BRPF3: variants seen among roughly 807,000 people sequenced by gnomAD.
BRPF3 encodes bromodomain and PHD finger-containing protein 3.
Under a neutral mutation model 102.0 loss-of-function variants are expected in BRPF3, and 18 were observed. That is an observed-to-expected ratio of 0.18 (90% CI 0.12 to 0.26). The LOEUF is 0.26. Ranked by LOEUF, BRPF3 falls within the 10% of genes least tolerant of loss-of-function variation. The pLI, the probability that BRPF3 is intolerant of heterozygous loss-of-function variation, is 1.00. For missense variants in BRPF3, 1,147 were observed against 1,567.8 expected (o/e 0.73, Z 4.53); for synonymous variants, 570 against 614.2 (o/e 0.93, Z 1.06).
At chr6:36,202,938 GAAGACA>G (rs1003005500) in intron 2 of BRPF3, among the ~76,000 whole-genome samples, 5 of 152,200 alleles carry the variant, frequency 3.3e-5, no homozygotes, top group African/African-American at 1.2e-4. Flanking sequence ...AGGCTGGGAA[GAAGACA>G]TAAGTGTGAG....
chr6:36,226,843 G>A (rs973442732), intron 11 of BRPF3, among the ~76,000 whole-genome samples: 1 of 152,256 alleles, frequency 6.6e-6, no homozygotes, highest in Non-Finnish European at 1.5e-5. Flanking sequence ...TGACCTAGCA[G>A]CTGAAGAGTT....
At chr6:36,198,238 A>G (rs1181411795) in intron 1 of BRPF3, among the ~76,000 whole-genome samples, 1 of 152,150 alleles carries the variant, frequency 6.6e-6, no homozygotes, top group Admixed American at 6.5e-5. Context: ...TTTCAGTCAC[A>G]CTTTGGGATT....
chr6:36,209,798 G>T lies in BRPF3; in HGVS notation c.1749G>T (p.Gln583His), dbSNP rs1469534567. The T allele has an allele frequency of 1.2e-6, 2 of 1,613,984 alleles. No homozygotes were observed. Among genetic ancestry groups the T allele is most frequent in the Admixed American group, 3.3e-5 (2 of 59,996 alleles). ...CACCTTCCCCACAGGTCAAAGTCCA[G>T]CAGGCTGCCATGGAGCTGGAGCTGA... is the stretch of plus-strand genomic sequence containing the variant. ...EKLKREQVKV[Q>H]QAAMELELMP... The change falls in exon 5 of 13, where the codon CAG becomes CAT. Residue 583 changes from glutamine (Q) to histidine (H), a missense_variant. Gln to His is a conservative substitution (Grantham distance 24). Around this residue, in one of 11 missense-constraint regions of BRPF3, gnomAD observed 23 missense variants for 54.4 expected, o/e 0.42. Transcript: ENST00000357641.
Position 36,200,304 on chromosome 6 carries a change from C to A in BRPF3, c.-19C>A. The stretch of plus-strand genomic sequence containing the variant: ...CTGGCCTTCTCTCCTTAGGCCTGTC[C>A]CCTCAGTTCCCAGGTGCCATGAGGA... On this transcript the variant is annotated 5_prime_UTR_variant, in exon 2 of 13. Coordinates refer to ENST00000357641, the MANE Select transcript of BRPF3 (RefSeq NM_015695.3). The surrounding 1 kb of genome is among the most constrained non-coding windows in gnomAD (Gnocchi z 5.3). 6.2e-7 allele frequency: 1 copy of A among 1,606,372 alleles called. No individual in the cohort carries two copies.
chr6:36,213,712 A>T lies in BRPF3; in HGVS notation c.2483-168A>T, dbSNP rs1037343653. 3 of 783,610 alleles carry T rather than the reference A, an allele frequency of 3.8e-6. No homozygotes were observed. The Admixed American group carries it at 7.5e-5, about 20-fold the overall frequency. The allele number at this position is 783,610 out of a possible 1,614,324, so 48.5% of individuals were successfully genotyped here. A position where few individuals can be genotyped will look rare whatever the true frequency, so the allele number is the denominator to read the frequency against. Reference sequence around the variant, plus strand: ...AGCAAGATCCTGTCTCTGAAAAAAAAAAAAAACCTAATCCTCCTTTCTCTT... The same window carrying T: ...AGCAAGATCCTGTCTCTGAAAAAAATAAAAAACCTAATCCTCCTTTCTCTT... On this transcript the variant is annotated intron_variant, in intron 7 of 12. Transcript: ENST00000357641.
At position 36,216,195 on chromosome 6, in the gene BRPF3, G is replaced by T. The variant is rs149615298; in HGVS notation, c.2990-1722G>T. 3.2e-3 allele frequency among the ~76,000 whole-genome samples: 482 copies of T among 152,326 alleles called. 3 individuals are homozygous for T. Among genetic ancestry groups the T allele is most frequent in the African/African-American group, 0.011 (456 of 41,572 alleles). On this transcript the variant is annotated intron_variant, in intron 8 of 12. Transcript: ENST00000357641. ...ATATGGGGTTTCTGATACCTACCTTGCAGGGTTCTAAGAACTAGAAATACC... is the reference window on the plus strand; with the variant it reads ...ATATGGGGTTTCTGATACCTACCTTTCAGGGTTCTAAGAACTAGAAATACC...
chr6:36,227,881 G>A (rs1367649165), intron 11 of BRPF3, among the ~76,000 whole-genome samples: 2 of 152,222 alleles, frequency 1.3e-5, no homozygotes, highest in Non-Finnish European at 2.9e-5. Context: ...TGGCAGACAA[G>A]CAAAGGTAAA....
Position 36,214,347 on chromosome 6 carries a change from A to G in BRPF3, c.2950A>G (p.Ser984Gly). 6.2e-7 allele frequency: 1 copy of G among 1,606,584 alleles called. No individual in the cohort carries two copies. Among genetic ancestry groups the G allele is most frequent in the Non-Finnish European group, 8.5e-7 (1 of 1,176,334 alleles). ...KRPRSRSCSE[S>G]EGERSPQQEE... ...GCCAAGGAGCAGGAGCTGTAGTGAG[A>G]GCGAAGGGGAGAGGTCCCCCCAGCA... Residue 984 changes from serine to glycine, a missense_variant, in exon 8 of 13, where the codon AGC (serine) becomes GGC (glycine). This residue lies in a region of BRPF3 where 379 missense variants were observed against 426.3 expected (regional missense o/e 0.89). Transcript: ENST00000357641.
intron 4 of BRPF3, 122 bp from the exon 5 acceptor site, chr6:36,209,665 C>G: frequency 8.0e-7 from 1 of 1,249,730 alleles, no homozygotes; most frequent in South Asian, 1.6e-5. Flanking sequence ...ATATACTGGT[C>G]AGCTTAATAT....
intron 3 of BRPF3, among the ~76,000 whole-genome samples, chr6:36,206,235 GGTT>G (rs1045336641): frequency 3.3e-5 from 5 of 152,186 alleles, no homozygotes; most frequent in African/African-American, 1.2e-4. Context: ...ATGGCCAAGA[GGTT>G]GTAGAGGGAG....
intron 2 of BRPF3, among the ~76,000 whole-genome samples, chr6:36,202,410 A>ACCCCC (rs773009912): frequency 2.0e-4 from 20 of 102,282 alleles, no homozygotes; most frequent in Middle Eastern, 5.2e-3. Flanking sequence ...AGCTCTGTGG[A>ACCCCC]CCCCCCCCCC....
intron 4 of BRPF3, among the ~76,000 whole-genome samples, chr6:36,208,197 A>G (rs1767972993): frequency 6.6e-6 from 1 of 152,190 alleles, no homozygotes; most frequent in African/African-American, 2.4e-5. Flanking sequence ...TATTATTATT[A>G]TCAATACTCT....
At chr6:36,197,984 G>T (rs1767565827) in intron 1 of BRPF3, among the ~76,000 whole-genome samples, 1 of 152,154 alleles carries the variant, frequency 6.6e-6, no homozygotes, top group African/African-American at 2.4e-5. Context: ...GCTGTTTGGG[G>T]TCGGTGTGGA....
chr6:36,219,560 G>A (rs73730486), intron 9 of BRPF3, among the ~76,000 whole-genome samples: 1,878 of 152,272 alleles, frequency 0.012, 38 homozygotes, highest in African/African-American at 0.043. Context: ...TCAGCTATGA[G>A]CCACAAGAGC....
At chr6:36,222,365 T>G in intron 10 of BRPF3, 100 bp downstream of exon 10, 2 of 1,096,244 alleles carry the variant, frequency 1.8e-6, no homozygotes, top group Non-Finnish European at 2.7e-6. Context: ...AGGCAGCCAG[T>G]CCTTGAGCTC....
At chr6:36,199,430 C>T (rs969381139) in intron 1 of BRPF3, among the ~76,000 whole-genome samples, 4 of 152,162 alleles carry the variant, frequency 2.6e-5, no homozygotes, top group Non-Finnish European at 5.9e-5. Flanking sequence ...TGGATGGTGT[C>T]TTTTGTAGGG....
At chr6:36,225,694 T>C (rs1289125692) in intron 11 of BRPF3, among the ~76,000 whole-genome samples, 3 of 152,240 alleles carry the variant, frequency 2.0e-5, no homozygotes, top group Admixed American at 2.0e-4. Flanking sequence ...ATATTTGTCA[T>C]GCTAAGTCCT....
rs900042029 is a variant in BRPF3 at position 36,207,354 on chromosome 6, G to A, written c.1647G>A (p.Leu549=). Residue 549 remains leucine, a synonymous_variant, in exon 4 of 13, where the codon CTG becomes CTA. Coordinates refer to ENST00000357641, the MANE Select transcript of BRPF3 (RefSeq NM_015695.3). ...AGACAAGTGCAGTGAAGGAGGAGCT[G>A]AAGTATTGGCAGAAGCTCCGGCATG... The part of the protein sequence containing the change: ...DEKTSAVKEE[L]KYWQKLRHDL... The A allele has an allele frequency of 1.2e-6, 2 of 1,614,118 alleles. No individual in the cohort carries two copies. The highest frequency in any genetic ancestry group is 1.7e-6 in the Non-Finnish European group (2 of 1,179,996).
chr6:36,201,505 A>G lies in BRPF3; in HGVS notation c.1183A>G (p.Arg395Gly). ...CTCGCCACCAGGTGCGGCCACTGCT[A>G]GGAGGAAGGGCGACTCCCCTAGAAG... Reference protein sequence around the residue: ...AHSPPGAATARRKGDSPRSIS... With the variant: ...AHSPPGAATAGRKGDSPRSIS... Residue 395 changes from arginine to glycine, a missense_variant, in exon 2 of 13, where the codon AGG (arginine) becomes GGG (glycine). Transcript: ENST00000357641. This position sits in a 1 kb window ranked among gnomAD's most constrained non-coding sequence, Gnocchi z 5.1. The G allele has an allele frequency of 1.2e-6, 2 of 1,614,176 alleles. No homozygotes were observed. The highest frequency in any genetic ancestry group is 1.1e-5 in the South Asian group (1 of 91,088).
Sources: gnomAD v4.1 joint callset for allele counts (sites outside exome capture counted in the v4.1 genomes callset) on GRCh38, gnomAD v4.1.1 for gene constraint, gnomAD v4.1.1 regional missense constraint, Gnocchi (gnomAD v3.1) non-coding constraint, MANE v1.5 for transcripts, NCBI Gene and HGNC (gene_info 2026-07-23, HGNC 2026-07-21) for gene names.